The following PTPRD variants were observed in gnomAD, a reference collection of about 807,000 sequenced individuals.
PTPRD encodes the protein protein tyrosine phosphatase receptor type D, also known as receptor-type tyrosine-protein phosphatase delta.
A neutral mutation model predicts 214.5 loss-of-function variants in PTPRD; 34 were observed. The ratio of observed to expected loss-of-function variants is 0.16; its 90% CI spans 0.12 to 0.21. The LOEUF (loss-of-function observed/expected upper bound fraction) is 0.21, where lower values mean the gene tolerates loss of function less well. Ranked by LOEUF, PTPRD falls within the 10% of genes least tolerant of loss-of-function variation. The probability of loss-of-function intolerance (pLI) is 1.00; values close to 1 mark genes in which losing one functional copy is unlikely to be tolerated. For synonymous variants in PTPRD, 1,128 were observed against 845.7 expected, an observed-to-expected ratio of 1.33 and a Z score of -5.79; for missense variants, 2,545 against 2,398.7, an observed-to-expected ratio of 1.06 and a Z score of -1.27.
chr9:9,305,479 G>C (rs1230261507), intron 9 of PTPRD, among the ~76,000 whole-genome samples: 1 of 152,044 alleles, frequency 6.6e-6, no homozygotes, highest in Non-Finnish European at 1.5e-5. Flanking sequence ...TAGTGTGGAA[G>C]AAAAAGCACA....
intron 3 of PTPRD, among the ~76,000 whole-genome samples, chr9:10,126,240 A>G (rs1206024953): frequency 6.6e-6 from 1 of 152,144 alleles, no homozygotes; most frequent in Non-Finnish European, 1.5e-5. Context: ...TACTTGCTTT[A>G]CAATTACCAC....
rs577372977 is a variant in PTPRD, at chr9:8,788,540, G to A, written c.-103-54594C>T. Among the ~76,000 whole-genome samples, 66 of 152,142 alleles carry A rather than the reference G, an allele frequency of 4.3e-4. 1 individual carries two copies. Among genetic ancestry groups the A allele is most frequent in the Admixed American group, 2.2e-3 (33 of 15,278 alleles). ...TCTGCCCACCTCAGCCTCCCAAAGT[G>A]CTGGGATTACAGGCATGAGCCACTG... On this transcript the variant is annotated intron_variant, in intron 11 of 45. Coordinates refer to ENST00000381196, the MANE Select transcript of PTPRD (RefSeq NM_002839.4).
chr9:8,553,962 G>A (rs1184633335), intron 14 of PTPRD, among the ~76,000 whole-genome samples: 1 of 152,042 alleles, frequency 6.6e-6, no homozygotes, highest in African/African-American at 2.4e-5. Context: ...GCTGAGGTGG[G>A]CAGATCACGA....
At chr9:9,357,159 A>C (rs2054117869) in intron 9 of PTPRD, among the ~76,000 whole-genome samples, 1 of 151,338 alleles carries the variant, frequency 6.6e-6, no homozygotes, top group Non-Finnish European at 1.5e-5. Flanking sequence ...ACGGATTCCC[A>C]GCAAACAGCT....
At chr9:9,381,679 T>TG (rs1025760148) in intron 9 of PTPRD, among the ~76,000 whole-genome samples, 7 of 150,116 alleles carry the variant, frequency 4.7e-5, no homozygotes, top group African/African-American at 7.4e-5. Context: ...AGTGTTTGTT[T>TG]TTTTTTGTTG....
At position 8,316,223 on chromosome 9, in the gene PTPRD, G is replaced by GT. The variant is rs1239308325; in HGVS notation, c.*1650dup. On this transcript the variant is annotated 3_prime_UTR_variant, in exon 46 of 46. Coordinates refer to ENST00000381196, the MANE Select transcript of PTPRD (RefSeq NM_002839.4). ...ACTAGGAATGCATATTATTCAAAGA[G>GT]TTTTTGTACATGTGGTAAACAGATA... 4.4e-6 allele frequency: 1 copy of GT among 229,864 alleles called. No homozygotes were observed. The highest frequency in any genetic ancestry group is 8.6e-6 in the Non-Finnish European group (1 of 115,692). The allele number at this position is 229,864 out of a possible 1,614,324, so 14.2% of individuals were successfully genotyped here.
intron 35 of PTPRD, among the ~76,000 whole-genome samples, chr9:8,435,072 C>T (rs775915662): frequency 1.3e-5 from 2 of 152,138 alleles, no homozygotes; most frequent in African/African-American, 2.4e-5. Context: ...ATCTTTGCAT[C>T]CTATCAAATA....
intron 8 of PTPRD, among the ~76,000 whole-genome samples, chr9:9,397,878 A>G (rs1176816381): frequency 1.3e-5 from 2 of 151,962 alleles, no homozygotes; most frequent in Non-Finnish European, 2.9e-5. Context: ...TGCCATATAC[A>G]CCACCTTCCT....
intron 44 of PTPRD, among the ~76,000 whole-genome samples, chr9:8,323,460 A>C (rs760762191): frequency 1.3e-5 from 2 of 152,210 alleles, no homozygotes; most frequent in Non-Finnish European, 2.9e-5. Flanking sequence ...TCACCATTCT[A>C]TATGCCATTA....
In PTPRD at chr9:10,602,354, A is replaced by T. The variant is rs542456550; in HGVS notation, c.-600+10044T>A. ...TAGGGCACCAGGTTTCAATCAATAC[A>T]CAGGCAGCATTTCTCATATATTAGA... On this transcript the variant is annotated intron_variant, in intron 2 of 45. Coordinates refer to ENST00000381196, the MANE Select transcript of PTPRD (RefSeq NM_002839.4). 2.6e-5 allele frequency among the ~76,000 whole-genome samples: 4 copies of T among 151,942 alleles called. No individual in the cohort carries two copies. In the East Asian group the frequency reaches 7.8e-4, roughly 29 times the overall value.
intron 11 of PTPRD, among the ~76,000 whole-genome samples, chr9:8,963,367 C>T (rs1047019384): frequency 1.3e-4 from 20 of 152,076 alleles, no homozygotes; most frequent in Admixed American, 3.9e-4. Context: ...GGTGGTAATA[C>T]GGGTGTTCAC....
At chr9:9,716,423 C>A (rs567200226) in intron 7 of PTPRD, among the ~76,000 whole-genome samples, 5 of 151,952 alleles carry the variant, frequency 3.3e-5, no homozygotes, top group African/African-American at 9.7e-5. Flanking sequence ...CCTGAGGAAT[C>A]GCCACACTGA....
intron 37 of PTPRD, among the ~76,000 whole-genome samples, chr9:8,384,318 C>A (rs2086209383): frequency 6.6e-6 from 1 of 152,038 alleles, no homozygotes; most frequent in South Asian, 2.1e-4. Context: ...CAATTAGAAA[C>A]CACATTCTAG....
At chr9:10,606,712 C>CA (rs1349662645) in intron 2 of PTPRD, among the ~76,000 whole-genome samples, 3 of 151,760 alleles carry the variant, frequency 2.0e-5, no homozygotes, top group African/African-American at 7.3e-5. Context: ...ATACGTATGT[C>CA]ATGTTACATG....
intron 6 of PTPRD, among the ~76,000 whole-genome samples, chr9:9,743,771 A>C (rs2761694): frequency 0.021 from 2,471 of 118,650 alleles, 56 homozygotes; most frequent in African/African-American, 0.043. Flanking sequence ...CACACACACA[A>C]TTTATACTGA....
chr9:10,459,628 G>C (rs1335497898), intron 2 of PTPRD, among the ~76,000 whole-genome samples: 1 of 150,546 alleles, frequency 6.6e-6, no homozygotes, highest in Admixed American at 6.6e-5. Context: ...CTGTGGTTTT[G>C]ATTTGCATTT....
chr9:9,726,948 T>C (rs1185485063), intron 7 of PTPRD, among the ~76,000 whole-genome samples: 1 of 152,076 alleles, frequency 6.6e-6, no homozygotes, highest in Non-Finnish European at 1.5e-5. Context: ...GTATGTACAA[T>C]AACAAACAGA....
chr9:8,728,911 T>C (rs1234088177), intron 12 of PTPRD, among the ~76,000 whole-genome samples: 4 of 151,998 alleles, frequency 2.6e-5, no homozygotes, highest in Admixed American at 6.6e-5. Context: ...ACCCCAGAGG[T>C]GGAGGTTGCA....
chr9:8,406,084 A>C (rs568671686), intron 35 of PTPRD, among the ~76,000 whole-genome samples: 1 of 152,290 alleles, frequency 6.6e-6, no homozygotes, highest in African/African-American at 2.4e-5. Flanking sequence ...CAAAATAGTC[A>C]ATCAATGAGC....
Sources: allele counts gnomAD v4.1 joint callset (sites outside exome capture counted in the v4.1 genomes callset), GRCh38; gene constraint gnomAD v4.1.1; transcripts MANE v1.5; gene names NCBI Gene and HGNC (gene_info 2026-07-23, HGNC 2026-07-21).